CNTLN: variants seen among roughly 807,000 people sequenced by gnomAD.
CNTLN encodes the protein centlein, centrosomal protein.
CNTLN carries 212 observed loss-of-function variants against 180.0 expected under a neutral mutation model. That is an observed-to-expected ratio of 1.18 (90% confidence interval 1.05 to 1.32). CNTLN has a LOEUF of 1.32. Ranked by LOEUF, CNTLN falls within the 40% of genes most tolerant of loss-of-function variation. The pLI is 0.00. For synonymous variants in CNTLN, 722 were observed against 563.1 expected (o/e 1.28, Z -3.99); for missense variants, 2,095 against 1,610.9 (o/e 1.30, Z -5.14).
rs180716534 is a variant in CNTLN, at chr9:17,177,536, G to A, written c.449+34160G>A. On this transcript the variant is annotated intron_variant, in intron 2 of 25. Coordinates refer to ENST00000380647, the MANE Select transcript of CNTLN (RefSeq NM_017738.4). ...GGTGAGTGTCACAGTTCTTAAAGGCGGTGTGTCCGAAGTTTGTTCCTTCTG... is the reference window on the plus strand; with the variant it reads ...GGTGAGTGTCACAGTTCTTAAAGGCAGTGTGTCCGAAGTTTGTTCCTTCTG... 2.0e-3 allele frequency among the ~76,000 whole-genome samples: 309 copies of A among 152,270 alleles called. 13 individuals carry two copies. In the East Asian group the frequency reaches 0.041, roughly 20 times the overall value.
chr9:17,511,068 G>A, the CNTLN span, among the ~76,000 whole-genome samples: 484 of 152,250 alleles, frequency 3.2e-3, 4 homozygotes, highest in African/African-American at 8.7e-3. Context: ...CTATTCTAAT[G>A]GGTATGTAGT....
chr9:17,456,361 T>C (rs774383320), intron 18 of CNTLN, among the ~76,000 whole-genome samples: 6 of 152,046 alleles, frequency 3.9e-5, no homozygotes, highest in Non-Finnish European at 7.4e-5. Flanking sequence ...AAAGCTAAAA[T>C]ATAGCCAAAT....
At chr9:17,225,064 G>T (rs545263610) in intron 2 of CNTLN, among the ~76,000 whole-genome samples, 1 of 151,902 alleles carries the variant, frequency 6.6e-6, no homozygotes, top group South Asian at 2.1e-4. Flanking sequence ...CCTGAAATAG[G>T]TTTTATAGAG....
chr9:17,162,147 C>T (rs904922834), intron 2 of CNTLN, among the ~76,000 whole-genome samples: 2 of 151,926 alleles, frequency 1.3e-5, no homozygotes, highest in African/African-American at 4.8e-5. Context: ...CAGAGTCTCG[C>T]TCTGTCACTG....
At chr9:17,491,754 G>A (rs1446668260) in intron 25 of CNTLN, among the ~76,000 whole-genome samples, 2 of 151,984 alleles carry the variant, frequency 1.3e-5, no homozygotes, top group African/African-American at 4.8e-5. Flanking sequence ...GTTCCTATTA[G>A]TTGCTTCAGA....
At chr9:17,327,997 A>G (rs1439790609) in intron 8 of CNTLN, among the ~76,000 whole-genome samples, 1 of 152,156 alleles carries the variant, frequency 6.6e-6, no homozygotes, top group African/African-American at 2.4e-5. Flanking sequence ...CCATTGTAAA[A>G]TCTTTAAGGA....
At chr9:17,258,886 G>C (rs1023009216) in intron 5 of CNTLN, among the ~76,000 whole-genome samples, 4 of 145,546 alleles carry the variant, frequency 2.7e-5, no homozygotes, top group Non-Finnish European at 6.0e-5. Flanking sequence ...TGAGACAGTG[G>C]GGTTTTCTAG....
rs374926334 is a variant in CNTLN at position 17,435,396 on chromosome 9, AC to A, written c.3114+19211del. 3.5e-3 allele frequency among the ~76,000 whole-genome samples: 540 copies of A among 152,242 alleles called. 2 individuals carry two copies. Among genetic ancestry groups the A allele is most frequent in the African/African-American group, 0.013 (523 of 41,538 alleles). The stretch of plus-strand genomic sequence containing the variant: ...GCATTTGCATTACAGTGGTATAACT[AC>A]CCCTCCAAAAACGGTACCTTTTAAA... On this transcript the variant is annotated intron_variant, in intron 18 of 25. Transcript: ENST00000380647.
At chr9:17,486,651 C>G (rs966327887) in intron 24 of CNTLN, among the ~76,000 whole-genome samples, 2 of 152,020 alleles carry the variant, frequency 1.3e-5, no homozygotes, top group African/African-American at 4.8e-5. Flanking sequence ...TCATGAGAGT[C>G]ACCTGTAAAT....
intron 8 of CNTLN, among the ~76,000 whole-genome samples, chr9:17,329,646 C>T (rs574497736): frequency 4.0e-4 from 60 of 151,766 alleles, no homozygotes; most frequent in South Asian, 3.5e-3. Flanking sequence ...GAAAATTTTG[C>T]GTATCCTCTC....
At chr9:17,455,581 G>A (rs1181083554) in intron 18 of CNTLN, among the ~76,000 whole-genome samples, 2 of 152,142 alleles carry the variant, frequency 1.3e-5, no homozygotes, top group Non-Finnish European at 2.9e-5. Flanking sequence ...AGCCACCTAA[G>A]TATCCCAGTA....
At chr9:17,240,926 T>G (rs939685541) in intron 5 of CNTLN, among the ~76,000 whole-genome samples, 1 of 152,110 alleles carries the variant, frequency 6.6e-6, no homozygotes, top group Non-Finnish European at 1.5e-5. Flanking sequence ...TGGCAAGATC[T>G]CTGCTCACTG....
chr9:17,498,080 T>G (rs1833552139), intron 25 of CNTLN, among the ~76,000 whole-genome samples: 1 of 152,156 alleles, frequency 6.6e-6, no homozygotes, highest in South Asian at 2.1e-4. Context: ...AGAAGTATCT[T>G]TTTGGTCATA....
chr9:17,390,028 CA>C (rs1825973834), intron 14 of CNTLN, among the ~76,000 whole-genome samples: 1 of 152,064 alleles, frequency 6.6e-6, no homozygotes, highest in East Asian at 1.9e-4. Flanking sequence ...TAGCCATTTA[CA>C]AGCCAAGGAG....
At chr9:17,450,696 T>G (rs1458639308) in intron 18 of CNTLN, among the ~76,000 whole-genome samples, 4 of 152,160 alleles carry the variant, frequency 2.6e-5, no homozygotes, top group Non-Finnish European at 2.9e-5. Context: ...TGCTTGACAT[T>G]TTGTGAAACA....
At chr9:17,188,699 A>G (rs865928351) in intron 2 of CNTLN, among the ~76,000 whole-genome samples, 5 of 152,248 alleles carry the variant, frequency 3.3e-5, no homozygotes, top group South Asian at 2.1e-4. Context: ...CCCTTCTAGT[A>G]TATGTTTCAT....
At chr9:17,363,678 TTGA>T in intron 12 of CNTLN, among the ~76,000 whole-genome samples, 1 of 152,236 alleles carries the variant, frequency 6.6e-6, no homozygotes, top group Non-Finnish European at 1.5e-5. Flanking sequence ...TATGGTATCT[TTGA>T]TGATCCAATA....
intron 12 of CNTLN, among the ~76,000 whole-genome samples, chr9:17,357,798 A>G (rs1442517669): frequency 6.6e-6 from 1 of 151,526 alleles, no homozygotes; most frequent in Non-Finnish European, 1.5e-5. Context: ...AACCTTAACA[A>G]TGTTGGGTTT....
chr9:17,283,355 G>C (rs748487653), intron 6 of CNTLN, among the ~76,000 whole-genome samples: 16 of 151,936 alleles, frequency 1.1e-4, no homozygotes, highest in Admixed American at 2.0e-4. Context: ...TCTTTTCTTA[G>C]CATTTGTGAA....
Sources: allele counts gnomAD v4.1 joint callset (sites outside exome capture counted in the v4.1 genomes callset), GRCh38; gene constraint gnomAD v4.1.1; transcripts MANE v1.5; gene names NCBI Gene and HGNC (gene_info 2026-07-23, HGNC 2026-07-21).